CEP135: variants seen among roughly 807,000 people sequenced by gnomAD.
The protein encoded by CEP135 is centrosomal protein of 135 kDa.
Under a neutral mutation model 157.3 loss-of-function variants are expected in CEP135, and 142 were observed. That is an observed-to-expected ratio of 0.90 (90% CI 0.79 to 1.04). CEP135 has a LOEUF of 1.04. Ranked by LOEUF, CEP135 falls within the 50% of genes least tolerant of loss-of-function variation. CEP135 has a pLI of 0.00. For missense variants in CEP135, 1,317 were observed against 1,309.2 expected (o/e 1.01, Z -0.09); for synonymous variants, 396 against 439.8 (o/e 0.90, Z 1.25).
chr4:55,992,160 A>G, intron 15 of CEP135, 75 bp downstream of exon 15: 2 of 1,418,596 alleles, frequency 1.4e-6, no homozygotes, highest in Non-Finnish European at 9.6e-7. Context: ...TAATCATGGC[A>G]TTTTGGACTG....
intron 21 of CEP135, among the ~76,000 whole-genome samples, 184 bp from the exon 22 acceptor site, chr4:56,017,464 A>G (rs188466143): frequency 4.6e-5 from 7 of 152,282 alleles, no homozygotes; most frequent in Non-Finnish European, 8.8e-5. Context: ...ATTATACACA[A>G]TTCATTTTGT....
intron 10 of CEP135, among the ~76,000 whole-genome samples, chr4:55,973,029 GA>G (rs914188463): frequency 5.8e-4 from 85 of 147,180 alleles, no homozygotes; most frequent in East Asian, 3.6e-3. Context: ...GAAACTGTGT[GA>G]AAAAAAAAAA....
rs1349648127 is a variant in CEP135 at position 55,981,362 on chromosome 4, T to G, written c.1762T>G (p.Leu588Val). 3 of 1,576,550 alleles carry G rather than the reference T, an allele frequency of 1.9e-6. No individual in the cohort carries two copies. The highest frequency in any genetic ancestry group is 2.6e-6 in the Non-Finnish European group (3 of 1,169,602). Residue 588 changes from leucine (L) to valine (V), a missense_variant, in exon 13 of 26, where the codon TTA becomes GTA. By Grantham distance (32) the Leu-to-Val change is conservative (BLOSUM62 1). Transcript: ENST00000257287. ...LRRIMAEKEA[L>V]REKLEHIEEV... is the part of the protein sequence containing the mutation. Reference sequence around the variant, plus strand: ...AAGAATTATGGCAGAAAAGGAAGCTTTAAGAGAAAAATTAGAGGTAAGAAG... The same window carrying G: ...AAGAATTATGGCAGAAAAGGAAGCTGTAAGAGAAAAATTAGAGGTAAGAAG...
At chr4:56,028,818 C>T (rs937037884) in intron 25 of CEP135, among the ~76,000 whole-genome samples, 2 of 152,174 alleles carry the variant, frequency 1.3e-5, no homozygotes, top group African/African-American at 4.8e-5. Context: ...TATTCTCCAG[C>T]AGACACCAAT....
chr4:56,024,508 G>A lies in CEP135; in HGVS notation c.3328G>A (p.Ala1110Thr), dbSNP rs1731084803. The A allele has an allele frequency of 6.2e-7, 1 of 1,612,854 alleles. No homozygotes were observed. The stretch of plus-strand genomic sequence containing the variant: ...TTTGATCTTTACTAACAGAGAACGA[G>A]CAATCCAAGAGATGCGTCGACATGG... ...ISTERYERER[A>T]IQEMRRHGLA... The change falls in exon 25 of 26, where the codon GCA becomes ACA. Residue 1110 changes from alanine (A) to threonine (T), a missense_variant. By Grantham distance (58) the Ala-to-Thr change is moderately conservative. Coordinates refer to ENST00000257287, the MANE Select transcript of CEP135 (RefSeq NM_025009.5).
chr4:56,004,929 T>G (rs1730301149), intron 17 of CEP135, among the ~76,000 whole-genome samples: 1 of 81,938 alleles, frequency 1.2e-5, no homozygotes. Flanking sequence ...TGCTGCCATT[T>G]TTTTTTTTTT....
At position 55,995,011 on chromosome 4, in the gene CEP135, A is replaced by G. The variant is rs115645256; in HGVS notation, c.2009+2926A>G. The stretch of plus-strand genomic sequence containing the variant: ...AAGCATAGTTTAATTGTCCAAATAG[A>G]GAATCTTTTGTCTAGTTTCTTTGTC... On this transcript the variant is annotated intron_variant, in intron 15 of 25. Coordinates refer to ENST00000257287, the MANE Select transcript of CEP135 (RefSeq NM_025009.5). 3.2e-3 allele frequency among the ~76,000 whole-genome samples: 489 copies of G among 152,290 alleles called. 1 individual carries two copies. The highest frequency in any genetic ancestry group is 6.2e-3 in the Non-Finnish European group (422 of 68,022).
intron 13 of CEP135, among the ~76,000 whole-genome samples, chr4:55,984,793 A>G (rs1018935346): frequency 1.3e-5 from 2 of 152,160 alleles, no homozygotes; most frequent in African/African-American, 4.8e-5. Context: ...AACCAGAAAA[A>G]TAGTCCCTGT....
chr4:55,956,057 A>T (rs1728493451), intron 4 of CEP135, among the ~76,000 whole-genome samples: 1 of 152,206 alleles, frequency 6.6e-6, no homozygotes, highest in Non-Finnish European at 1.5e-5. Context: ...ACAGTTTCTG[A>T]AAGAAACTGA....
At chr4:55,990,959 T>C (rs1354645950) in intron 14 of CEP135, among the ~76,000 whole-genome samples, 2 of 152,108 alleles carry the variant, frequency 1.3e-5, no homozygotes. Context: ...TGTGAAATCT[T>C]CACTGTTCTA....
intron 17 of CEP135, among the ~76,000 whole-genome samples, chr4:56,003,047 T>C (rs1198164334): frequency 6.6e-6 from 1 of 152,200 alleles, no homozygotes; most frequent in Non-Finnish European, 1.5e-5. Context: ...CCTTGTATTT[T>C]CTGTGGTCAC....
intron 21 of CEP135, 62 bp downstream of exon 21, chr4:56,012,047 C>CTTTA (rs965709020): frequency 1.7e-4 from 173 of 991,988 alleles, no homozygotes; most frequent in Middle Eastern, 2.9e-4. Context: ...TTCAAAGATA[C>CTTTA]TTTATTTATT....
At chr4:56,021,023 T>C (rs1410191240) in intron 24 of CEP135, among the ~76,000 whole-genome samples, 1 of 152,192 alleles carries the variant, frequency 6.6e-6, no homozygotes, top group African/African-American at 2.4e-5. Flanking sequence ...TGAATAAAAT[T>C]GTTTAATAAT....
At chr4:56,029,572 G>A (rs1269811886) in intron 25 of CEP135, among the ~76,000 whole-genome samples, 3 of 152,142 alleles carry the variant, frequency 2.0e-5, no homozygotes, top group African/African-American at 7.2e-5. Context: ...TGAGAAATTT[G>A]TTTTACATGA....
intron 5 of CEP135, 118 bp from the exon 6 acceptor site, chr4:55,959,564 G>T (rs1199374919): frequency 1.2e-6 from 1 of 816,872 alleles, no homozygotes; most frequent in East Asian, 2.6e-5. Flanking sequence ...GGCACAGTAC[G>T]TCCTACCTGT....
intron 15 of CEP135, among the ~76,000 whole-genome samples, chr4:55,994,953 T>C (rs1457434464): frequency 1.3e-5 from 2 of 152,174 alleles, no homozygotes; most frequent in Non-Finnish European, 2.9e-5. Flanking sequence ...CCCAAAGTGC[T>C]GGGATTACAG....
chr4:55,977,698 ATTCTT>A (rs1729266965), intron 11 of CEP135, among the ~76,000 whole-genome samples: 1 of 152,198 alleles, frequency 6.6e-6, no homozygotes, highest in Non-Finnish European at 1.5e-5. Context: ...TTAAAAATCT[ATTCTT>A]TTAGCAATTT....
chr4:55,995,191 G>C (rs140983386), intron 15 of CEP135, among the ~76,000 whole-genome samples: 1 of 152,124 alleles, frequency 6.6e-6, no homozygotes, highest in East Asian at 1.9e-4. Context: ...TTGTCTACCC[G>C]GGAAGGTTAT....
At chr4:56,012,939 T>G (rs1730640433) in intron 21 of CEP135, among the ~76,000 whole-genome samples, 2 of 152,224 alleles carry the variant, frequency 1.3e-5, no homozygotes, top group African/African-American at 4.8e-5. Context: ...CATATGATAA[T>G]TCTGTGTTTA....
Sources: allele counts gnomAD v4.1 joint callset (sites outside exome capture counted in the v4.1 genomes callset), GRCh38; gene constraint gnomAD v4.1.1; transcripts MANE v1.5; gene names NCBI Gene and HGNC (gene_info 2026-07-23, HGNC 2026-07-21).